The following KCNJ6 variants were observed in gnomAD, a reference collection of about 807,000 sequenced individuals.
The protein encoded by KCNJ6 is potassium inwardly rectifying channel subfamily J member 6.
KCNJ6 carries 9 observed loss-of-function variants against 34.2 expected under a neutral mutation model. That is an observed-to-expected ratio of 0.26 (90% CI 0.16 to 0.46). The LOEUF is 0.46. KCNJ6 is among the 20% of genes least tolerant of loss of function. The pLI is 1.00. For missense variants in KCNJ6, 236 were observed against 531.3 expected (o/e 0.44, Z 5.46); for synonymous variants, 196 against 207.1 (o/e 0.95, Z 0.46).
chr21:37,661,367 A>T (rs573216202), intron 3 of KCNJ6, among the ~76,000 whole-genome samples: 1 of 152,352 alleles, frequency 6.6e-6, no homozygotes, highest in South Asian at 2.1e-4. Context: ...ATGATTAATC[A>T]GCACGTGATT....
At chr21:37,782,317 AAT>A (rs2055173287) in intron 2 of KCNJ6, among the ~76,000 whole-genome samples, 2 of 152,126 alleles carry the variant, frequency 1.3e-5, no homozygotes, top group Non-Finnish European at 1.5e-5. Flanking sequence ...GCAGAAGCAA[AAT>A]TTTTGTTGCT....
intron 1 of KCNJ6, among the ~76,000 whole-genome samples, chr21:37,843,557 T>C (rs1332649567): frequency 6.6e-6 from 1 of 152,246 alleles, no homozygotes; most frequent in Non-Finnish European, 1.5e-5. Flanking sequence ...CATTTCATTC[T>C]TGGTCCCAAG....
chr21:37,617,799 T>C lies in KCNJ6; in HGVS notation c.*7360A>G, dbSNP rs1299672647. ...GGGATTTCCTTACCCTGACTCCATT[T>C]ATTTTACTTGGACTTTCACATGGGA... On this transcript the variant is annotated 3_prime_UTR_variant, in exon 4 of 4. Transcript: ENST00000609713. 1 of 152,242 alleles carries C rather than the reference T, an allele frequency of 6.6e-6. No homozygotes were observed. The highest frequency in any genetic ancestry group is 2.4e-5 in the African/African-American group (1 of 41,462). The allele number at this position is 152,242 out of a possible 1,614,324, so 9.4% of individuals were successfully genotyped here.
At chr21:37,826,265 T>C (rs2055398602) in intron 2 of KCNJ6, among the ~76,000 whole-genome samples, 1 of 152,194 alleles carries the variant, frequency 6.6e-6, no homozygotes, top group Non-Finnish European at 1.5e-5. Flanking sequence ...CATCCCTTGA[T>C]TGATTGTGTT....
At chr21:37,680,592 C>CT (rs2054586477) in intron 3 of KCNJ6, among the ~76,000 whole-genome samples, 1 of 152,192 alleles carries the variant, frequency 6.6e-6, no homozygotes, top group African/African-American at 2.4e-5. Flanking sequence ...ATTCAATCTG[C>CT]TGAAGCCCTG....
chr21:37,739,121 A>G (rs1366248368), intron 2 of KCNJ6, among the ~76,000 whole-genome samples: 1 of 152,236 alleles, frequency 6.6e-6, no homozygotes, highest in Non-Finnish European at 1.5e-5. Flanking sequence ...TTGAAGAGTA[A>G]TAATGTAAAA....
intron 1 of KCNJ6, among the ~76,000 whole-genome samples, chr21:37,864,432 A>T (rs2055611750): frequency 6.6e-6 from 1 of 152,122 alleles, no homozygotes; most frequent in Non-Finnish European, 1.5e-5. Flanking sequence ...GTTCTTTAAT[A>T]GTGTTTCTTT....
intron 2 of KCNJ6, among the ~76,000 whole-genome samples, chr21:37,785,506 CATT>C (rs1212369040): frequency 6.6e-6 from 1 of 152,126 alleles, no homozygotes. Flanking sequence ...GGGTTTTCAT[CATT>C]GTTACATGCT....
intron 1 of KCNJ6, among the ~76,000 whole-genome samples, chr21:37,852,014 AC>A (rs1568871791): frequency 3.3e-5 from 5 of 152,156 alleles, no homozygotes; most frequent in African/African-American, 4.8e-5. Flanking sequence ...TTAGCCAAAG[AC>A]CTAGGAGAGA....
At chr21:37,762,326 T>C (rs1429433670) in intron 2 of KCNJ6, among the ~76,000 whole-genome samples, 1 of 152,188 alleles carries the variant, frequency 6.6e-6, no homozygotes, top group Non-Finnish European at 1.5e-5. Context: ...GCTCAGCCCA[T>C]GGAGAGCAGC....
At chr21:37,717,695 C>A (rs1003008410) in intron 2 of KCNJ6, among the ~76,000 whole-genome samples, 1 of 152,200 alleles carries the variant, frequency 6.6e-6, no homozygotes, top group African/African-American at 2.4e-5. Flanking sequence ...TGCGAAGGGT[C>A]CAGCAGGCCT....
chr21:37,847,926 G>T (rs181056712), intron 1 of KCNJ6, among the ~76,000 whole-genome samples: 1 of 152,208 alleles, frequency 6.6e-6, no homozygotes, highest in Non-Finnish European at 1.5e-5. Flanking sequence ...TGGGAGAGGG[G>T]AGGGCAAGGA....
Position 37,611,710 on chromosome 21 carries a change from A to G in KCNJ6, c.*13449T>C, listed in dbSNP as rs1192145206. 6.6e-6 allele frequency: 1 copy of G among 152,230 alleles called. No homozygotes were observed. The highest frequency in any genetic ancestry group is 1.5e-5 in the Non-Finnish European group (1 of 68,024). 9.4% of individuals were successfully genotyped at this position (152,230 alleles called of 1,614,324 possible). A position where few individuals can be genotyped will look rare whatever the true frequency, so the allele number is the denominator to read the frequency against. On this transcript the variant is annotated 3_prime_UTR_variant, in exon 4 of 4. Coordinates refer to ENST00000609713, the MANE Select transcript of KCNJ6 (RefSeq NM_002240.5). ...ATTCAAAGATCAACTAATGTAATGA[A>G]TATCAACAGGCAAAAGAAGAAAAAT... is the stretch of plus-strand genomic sequence containing the variant.
chr21:37,667,436 G>C (rs1240374853), intron 3 of KCNJ6, among the ~76,000 whole-genome samples: 2 of 152,132 alleles, frequency 1.3e-5, no homozygotes, highest in East Asian at 3.9e-4. Context: ...AATAATTCCA[G>C]GACTTGGAAT....
Position 37,656,596 on chromosome 21 carries a change from G to A in KCNJ6, c.947-31112C>T, listed in dbSNP as rs181067807. Among the ~76,000 whole-genome samples, 81 of 152,352 alleles carry A rather than the reference G, an allele frequency of 5.3e-4. 1 individual carries two copies. Among genetic ancestry groups the A allele is most frequent in the Non-Finnish European group, 1.1e-3 (73 of 68,038 alleles). ...ATGGCTCTGCAGCCCTGCAGGGGTG[G>A]TGCAGCTGGAGCTGGAGCGGCTGGG... On this transcript the variant is annotated intron_variant, in intron 3 of 3. Transcript: ENST00000609713.
chr21:37,662,760 G>A (rs1039885403), intron 3 of KCNJ6, among the ~76,000 whole-genome samples: 3 of 151,996 alleles, frequency 2.0e-5, no homozygotes, highest in African/African-American at 7.3e-5. Context: ...CCACATCCTC[G>A]CCAGCATCTG....
intron 1 of KCNJ6, among the ~76,000 whole-genome samples, chr21:37,887,496 A>G (rs2055741671): frequency 6.6e-6 from 1 of 152,222 alleles, no homozygotes; most frequent in African/African-American, 2.4e-5. Context: ...CCTTGCCTTC[A>G]TGGAGCTTGC....
intron 1 of KCNJ6, among the ~76,000 whole-genome samples, chr21:37,889,646 TC>T (rs2055752558): frequency 6.6e-6 from 1 of 152,120 alleles, no homozygotes; most frequent in South Asian, 2.1e-4. Flanking sequence ...AGGGCCACAC[TC>T]CCTCTGAAGG....
intron 1 of KCNJ6, among the ~76,000 whole-genome samples, chr21:37,909,943 C>A (rs574906462): frequency 6.6e-6 from 1 of 152,318 alleles, no homozygotes; most frequent in South Asian, 2.1e-4. Context: ...ATCATTGACA[C>A]TGATGTGACA....
Sources: allele counts gnomAD v4.1 joint callset (sites outside exome capture counted in the v4.1 genomes callset), GRCh38; gene constraint gnomAD v4.1.1; transcripts MANE v1.5; gene names NCBI Gene and HGNC (gene_info 2026-07-23, HGNC 2026-07-21).